Variants in EYA2 observed in about 807,000 individuals in gnomAD.
The protein encoded by EYA2 is protein phosphatase EYA2.
A neutral mutation model predicts 69.2 loss-of-function variants in EYA2; 31 were observed. The ratio of observed to expected loss-of-function variants is 0.45; its 90% confidence interval spans 0.34 to 0.60. The LOEUF (loss-of-function observed/expected upper bound fraction) is 0.60. Among genes scored for constraint, EYA2 ranks in the 20% least tolerant of loss-of-function variants. The pLI, the probability that EYA2 is intolerant of heterozygous loss-of-function variation, is 0.02. For synonymous variants in EYA2, 257 were observed against 279.4 expected, an observed-to-expected ratio of 0.92 and a Z score of 0.80; for missense variants, 622 against 701.2, an observed-to-expected ratio of 0.89 and a Z score of 1.28.
At chr20:47,164,545 G>A (rs147172534) in intron 10 of EYA2, among the ~76,000 whole-genome samples, 18 of 152,218 alleles carry the variant, frequency 1.2e-4, no homozygotes, top group Non-Finnish European at 2.2e-4. Flanking sequence ...TTTCCTCTGC[G>A]CCTGGGTCTG....
At chr20:47,076,676 A>G (rs956789092) in intron 7 of EYA2, among the ~76,000 whole-genome samples, 1 of 152,200 alleles carries the variant, frequency 6.6e-6, no homozygotes, top group Non-Finnish European at 1.5e-5. Context: ...AAGCAAATGA[A>G]CTTTTAGGCA....
intron 5 of EYA2, among the ~76,000 whole-genome samples, chr20:47,020,444 C>T (rs1375884593): frequency 2.6e-5 from 4 of 152,136 alleles, no homozygotes; most frequent in African/African-American, 9.7e-5. Context: ...TCTTGTTCAG[C>T]CTTTGCAGAG....
At chr20:47,034,247 GTAA>G (rs1433318820) in intron 5 of EYA2, among the ~76,000 whole-genome samples, 1 of 152,158 alleles carries the variant, frequency 6.6e-6, no homozygotes, top group Non-Finnish European at 1.5e-5. Flanking sequence ...TCTATTTACA[GTAA>G]TAATATAAAG....
At chr20:46,949,215 T>C (rs2146272406) in intron 1 of EYA2, among the ~76,000 whole-genome samples, 1 of 152,370 alleles carries the variant, frequency 6.6e-6, no homozygotes, top group East Asian at 1.9e-4. Flanking sequence ...GTTGAGGCCA[T>C]GTTTTAAGTC....
At chr20:47,184,438 G>T (rs2034597484) in intron 15 of EYA2, among the ~76,000 whole-genome samples, 1 of 127,108 alleles carries the variant, frequency 7.9e-6, no homozygotes. Flanking sequence ...TTTTTTTAGA[G>T]ATAGGGTCTC....
intron 10 of EYA2, among the ~76,000 whole-genome samples, chr20:47,155,142 C>T (rs946521007): frequency 2.0e-5 from 3 of 151,922 alleles, no homozygotes; most frequent in Non-Finnish European, 2.9e-5. Flanking sequence ...AGGCGTGAGC[C>T]GCCGCACCTG....
intron 5 of EYA2, among the ~76,000 whole-genome samples, chr20:47,054,404 A>G (rs1600673356): frequency 6.6e-6 from 1 of 152,184 alleles, no homozygotes. Context: ...CTGGTGATGA[A>G]AAAATATTTG....
chr20:47,095,020 A>G (rs2032206692), intron 8 of EYA2, among the ~76,000 whole-genome samples: 1 of 152,066 alleles, frequency 6.6e-6, no homozygotes, highest in Non-Finnish European at 1.5e-5. Flanking sequence ...TCTCAAAAAA[A>G]ATTTTTTTAA....
chr20:46,944,966 C>A (rs559215970), intron 1 of EYA2, among the ~76,000 whole-genome samples: 1 of 152,090 alleles, frequency 6.6e-6, no homozygotes, highest in African/African-American at 2.4e-5. Flanking sequence ...TAGCCAGGCG[C>A]GGTGGTGCCT....
intron 5 of EYA2, among the ~76,000 whole-genome samples, chr20:47,040,535 C>G (rs1310078672): frequency 1.3e-5 from 2 of 152,208 alleles, no homozygotes; most frequent in Admixed American, 6.5e-5. Flanking sequence ...GGCCAGCCCT[C>G]AGGGACATTC....
At chr20:46,958,005 A>G (rs1979240377) in intron 1 of EYA2, among the ~76,000 whole-genome samples, 1 of 152,180 alleles carries the variant, frequency 6.6e-6, no homozygotes, top group South Asian at 2.1e-4. Context: ...GAAAGCCTGG[A>G]AGACTTGCTG....
At chr20:46,972,326 A>T (rs531716351) in intron 1 of EYA2, among the ~76,000 whole-genome samples, 2 of 151,148 alleles carry the variant, frequency 1.3e-5, no homozygotes, top group South Asian at 4.1e-4. Context: ...TCATTTGGGT[A>T]TTAATTACTC....
chr20:47,012,925 T>C (rs1983162048), intron 4 of EYA2, among the ~76,000 whole-genome samples: 1 of 152,232 alleles, frequency 6.6e-6, no homozygotes, highest in Non-Finnish European at 1.5e-5. Flanking sequence ...ATTCTGAACT[T>C]GTAACTGATG....
intron 3 of EYA2, among the ~76,000 whole-genome samples, chr20:47,004,646 G>C (rs1386822797): frequency 6.6e-6 from 1 of 152,210 alleles, no homozygotes; most frequent in Non-Finnish European, 1.5e-5. Context: ...AAGGACAGGA[G>C]GGTTGCGGGG....
intron 5 of EYA2, among the ~76,000 whole-genome samples, chr20:47,032,103 A>C (rs1485287015): frequency 1.3e-5 from 2 of 152,182 alleles, no homozygotes; most frequent in Non-Finnish European, 2.9e-5. Context: ...GCAACTCCTC[A>C]GTTCAGAGAG....
chr20:47,116,956 C>G (rs1450572105), intron 9 of EYA2, among the ~76,000 whole-genome samples: 5 of 151,200 alleles, frequency 3.3e-5, no homozygotes, highest in African/African-American at 9.8e-5. Flanking sequence ...AATGCAGAGT[C>G]TCAGACCCCG....
intron 1 of EYA2, among the ~76,000 whole-genome samples, chr20:46,924,011 G>T (rs1985294809): frequency 6.6e-6 from 1 of 152,122 alleles, no homozygotes; most frequent in Non-Finnish European, 1.5e-5. Flanking sequence ...GTATAACAAA[G>T]AGAGTCATCA....
chr20:46,935,120 G>T (rs1264981390), intron 1 of EYA2, among the ~76,000 whole-genome samples: 4 of 152,238 alleles, frequency 2.6e-5, no homozygotes, highest in South Asian at 2.1e-4. Context: ...CTTAGCTGGG[G>T]CGTGGAGCAC....
At chr20:47,131,431 G>A (rs1022114181) in intron 9 of EYA2, among the ~76,000 whole-genome samples, 44 of 152,116 alleles carry the variant, frequency 2.9e-4, no homozygotes, top group Admixed American at 2.0e-3. Context: ...CAAAATAACC[G>A]CATTTGGCAA....
Sources: allele counts gnomAD v4.1 joint callset (sites outside exome capture counted in the v4.1 genomes callset), GRCh38; gene constraint gnomAD v4.1.1; transcripts MANE v1.5; gene names NCBI Gene and HGNC (gene_info 2026-07-23, HGNC 2026-07-21).